Variants in SH3BP1 observed in about 807,000 individuals in gnomAD.
SH3BP1 encodes the protein SH3 domain-binding protein 1.
SH3BP1 carries 46 observed loss-of-function variants against 69.8 expected under a neutral mutation model. The ratio of observed to expected loss-of-function variants is 0.66; its 90% CI spans 0.52 to 0.84. The LOEUF is 0.84. Among genes scored for constraint, SH3BP1 ranks in the 40% least tolerant of loss-of-function variants. The probability of loss-of-function intolerance (pLI) is 0.00; values close to 1 mark genes in which losing one functional copy is unlikely to be tolerated. For missense variants in SH3BP1, 868 were observed against 930.9 expected (o/e 0.93, Z 0.88); for synonymous variants, 403 against 378.0 (o/e 1.07, Z -0.77).
chr22:37,648,169 G>T, intron 13 of SH3BP1, 150 bp from the exon 14 acceptor site: 1 of 636,146 alleles, frequency 1.6e-6, no homozygotes, highest in Non-Finnish European at 2.8e-6. Context: ...CCCACTGCAG[G>T]GTTGGCACTC....
Position 37,655,291 on chromosome 22 carries a change from C to G in SH3BP1, c.1713C>G (p.Ala571=), listed in dbSNP as rs760164543. ...MARRTKRPAP[A]RPTMPPPQVS... is the part of the protein sequence containing the mutation. Reference sequence around the variant, plus strand: ...CAACAGCCAAGCGCCCGGCGCCAGCCCGGCCCACCATGCCGCCCCCCCAGG... The same window carrying G: ...CAACAGCCAAGCGCCCGGCGCCAGCGCGGCCCACCATGCCGCCCCCCCAGG... The change falls in exon 18 of 18, where the codon GCC becomes GCG. Residue 571 remains alanine (A), a synonymous_variant. Transcript: ENST00000649765. 6.3e-7 allele frequency: 1 copy of G among 1,578,008 alleles called. No homozygotes were observed. Among genetic ancestry groups the G allele is most frequent in the South Asian group, 1.1e-5 (1 of 88,850 alleles).
At position 37,644,882 on chromosome 22, in the gene SH3BP1, C is replaced by G. The variant is rs960519170; in HGVS notation, c.700C>G (p.Gln234Glu). The G allele has an allele frequency of 1.9e-5, 31 of 1,614,062 alleles. No homozygotes were observed. The highest frequency in any genetic ancestry group is 2.5e-5 in the Non-Finnish European group (30 of 1,180,020). ...ANYFIRLLEI[Q>E]ADYHRRSLSS... ...TTCATCCCCACAGCTCCTGGAGATTCAGGCCGATTACCATCGCAGGTCACT... is the reference window on the plus strand; with the variant it reads ...TTCATCCCCACAGCTCCTGGAGATTGAGGCCGATTACCATCGCAGGTCACT... The change falls in exon 9 of 18, where the codon CAG becomes GAG. Residue 234 changes from glutamine to glutamate, a missense_variant. By Grantham distance (29) the Gln-to-Glu change is conservative. This residue lies in a region of SH3BP1 where 387 missense variants were observed against 447.9 expected (regional missense o/e 0.86). Coordinates refer to ENST00000649765, the MANE Select transcript of SH3BP1 (RefSeq NM_018957.6).
At chr22:37,641,046 G>C (rs1191031561) in intron 1 of SH3BP1, 80 bp from the exon 2 acceptor site, 1 of 972,298 alleles carries the variant, frequency 1.0e-6, no homozygotes, top group Non-Finnish European at 1.6e-6. Context: ...CCCTGCTGCG[G>C]GGAAGGGAAG....
At chr22:37,649,604 T>C (rs943093263) in intron 14 of SH3BP1, among the ~76,000 whole-genome samples, 1 of 152,028 alleles carries the variant, frequency 6.6e-6, no homozygotes, top group Non-Finnish European at 1.5e-5. Flanking sequence ...GCCAACATGG[T>C]GAAACTCCGT....
At chr22:37,641,694 G>T in intron 3 of SH3BP1, 1 of 538,554 alleles carries the variant, frequency 1.9e-6, no homozygotes, top group Non-Finnish European at 3.3e-6. Context: ...GTTCCCATAA[G>T]CCAAGGCCAG....
At chr22:37,643,470 AG>A in intron 6 of SH3BP1, 173 bp from the exon 7 acceptor site, 2 of 873,704 alleles carry the variant, frequency 2.3e-6, no homozygotes, top group Non-Finnish European at 3.5e-6. Context: ...ATCTGCCACC[AG>A]GGGGCAACCC....
At position 37,646,912 on chromosome 22, in the gene SH3BP1, A is replaced by G; in HGVS notation, c.1019A>G (p.Asp340Gly). The change falls in exon 11 of 18, where the codon GAC (aspartate) becomes GGC (glycine). Residue 340 changes from aspartate (D) to glycine (G), a missense_variant. By Grantham distance (94) the Asp-to-Gly change is moderately conservative. Around this residue, in one of 3 missense-constraint regions of SH3BP1, gnomAD observed 387 missense variants for 447.9 expected, o/e 0.86. Coordinates refer to ENST00000649765, the MANE Select transcript of SH3BP1 (RefSeq NM_018957.6). Reference protein sequence around the residue: ...DPHSLEEFCSDPHAVAGALKS... With the variant: ...DPHSLEEFCSGPHAVAGALKS... ...CACAGCCTGGAGGAGTTCTGCTCCG[A>G]CCCGCACGCTGTGGCAGGTGCCTGA... is the stretch of plus-strand genomic sequence containing the variant. 6.4e-7 allele frequency: 1 copy of G among 1,552,370 alleles called. No homozygotes were observed. The highest frequency in any genetic ancestry group is 8.7e-7 in the Non-Finnish European group (1 of 1,151,930).
chr22:37,650,182 G>T lies in SH3BP1; in HGVS notation c.1347G>T (p.Val449=), dbSNP rs775007471. 11 of 1,614,110 alleles carry T rather than the reference G, an allele frequency of 6.8e-6. No homozygotes were observed. The Admixed American group carries it at 1.8e-4, about 27-fold the overall frequency. The change falls in exon 15 of 18, where the codon GTG becomes GTT. Residue 449 remains valine (V), a synonymous_variant. Transcript: ENST00000649765. ...AGGCCCAGCTGGATGCAGCCTCCGT[G>T]TCTTCCATCCAGGTGGTGGGCGTCG... ...GDQAQLDAAS[V]SSIQVVGVVE...
Position 37,655,869 on chromosome 22 carries a change from T to C in SH3BP1, c.*185T>C, listed in dbSNP as rs1601592930. On this transcript the variant is annotated 3_prime_UTR_variant, in exon 18 of 18. Transcript: ENST00000649765. ...GGACAATCCTCTATTTCCTGACCTTTTCCTCGTCCACCCTGGGCTTGGGGA... is the reference window on the plus strand; with the variant it reads ...GGACAATCCTCTATTTCCTGACCTTCTCCTCGTCCACCCTGGGCTTGGGGA... 7.3e-6 allele frequency: 11 copies of C among 1,516,784 alleles called. No homozygotes were observed. The East Asian group carries it at 2.5e-4, about 35-fold the overall frequency. The allele number at this position is 1,516,784 out of a possible 1,614,324, so 94.0% of individuals were successfully genotyped here. A position where few individuals can be genotyped will look rare whatever the true frequency, so the allele number is the denominator to read the frequency against.
At chr22:37,645,314 A>C (rs781627612) in intron 9 of SH3BP1, 51 bp from the exon 10 acceptor site, 13 of 1,564,960 alleles carry the variant, frequency 8.3e-6, no homozygotes, top group Non-Finnish European at 1.1e-5. Context: ...CCCCTGCCTG[A>C]CTGCTCGGGG....
chr22:37,655,635 C>T lies in SH3BP1; in HGVS notation c.2057C>T (p.Ala686Val), dbSNP rs375920273. 5 of 1,524,028 alleles carry T rather than the reference C, an allele frequency of 3.3e-6. No individual in the cohort carries two copies. The highest frequency in any genetic ancestry group is 2.0e-5 in the Admixed American group (1 of 49,020). The allele number at this position is 1,524,028 out of a possible 1,614,324, so 94.4% of individuals were successfully genotyped here. A position where few individuals can be genotyped will look rare whatever the true frequency, so the allele number is the denominator to read the frequency against. Reference protein sequence around the residue: ...EAISGVPTPPAIPPQPRPRSL... With the variant: ...EAISGVPTPPVIPPQPRPRSL... ...ATCAGTGGGGTCCCCACTCCCCCAG[C>T]TATCCCCCCTCAGCCCCGCCCCAGG... The change falls in exon 18 of 18, where the codon GCT becomes GTT. Residue 686 changes from alanine (A) to valine (V), a missense_variant. Physicochemically the swap from Ala to Val is moderately conservative, Grantham distance 64 (BLOSUM62 0). This residue lies in a region of SH3BP1 where 474 missense variants were observed against 462.3 expected (regional missense o/e 1.03). Transcript: ENST00000649765.
At chr22:37,643,237 C>A in intron 6 of SH3BP1, 63 bp downstream of exon 6, 1 of 1,405,598 alleles carries the variant, frequency 7.1e-7, no homozygotes, top group Non-Finnish European at 9.9e-7. Context: ...GGTCATAGAG[C>A]TTTGAGGCCC....
intron 2 of SH3BP1, 46 bp from the exon 3 acceptor site, chr22:37,641,328 G>A (rs906126087): frequency 6.9e-5 from 106 of 1,542,278 alleles, no homozygotes; most frequent in Non-Finnish European, 7.6e-5. Flanking sequence ...CCTGCTCAGG[G>A]GGAGACAGCC....
chr22:37,641,542 G>A, intron 3 of SH3BP1, 64 bp downstream of exon 3: 1 of 1,363,190 alleles, frequency 7.3e-7, no homozygotes, highest in Non-Finnish European at 1.0e-6. Flanking sequence ...GGGGAAGCAA[G>A]GTCGGGGCTG....
At position 37,641,470 on chromosome 22, in the gene SH3BP1, A is replaced by G. The variant is rs752753472; in HGVS notation, c.199A>G (p.Lys67Glu). 3.9e-6 allele frequency: 6 copies of G among 1,550,350 alleles called. No homozygotes were observed. In the South Asian group the frequency reaches 7.1e-5, roughly 18 times the overall value. The change falls in exon 3 of 18, where the codon AAG (lysine) becomes GAG (glutamate). Residue 67 changes from lysine (K) to glutamate (E), a missense_variant. Lys to Glu is a moderately conservative substitution (Grantham distance 56). Around this residue, in one of 3 missense-constraint regions of SH3BP1, gnomAD observed 387 missense variants for 447.9 expected, o/e 0.86. Transcript: ENST00000649765. ...LQGQSGADMD[K>E]RVKKLPLMAL... Reference sequence around the variant, plus strand: ...GGGCCAGAGCGGGGCAGACATGGACAAGCGGGTGGTGAGTGGGGGGTCCCG... The same window carrying G: ...GGGCCAGAGCGGGGCAGACATGGACGAGCGGGTGGTGAGTGGGGGGTCCCG...
chr22:37,641,098 TCCCCC>T, intron 1 of SH3BP1, 23 bp from the exon 2 acceptor site: 137 of 946,624 alleles, frequency 1.4e-4, no homozygotes, highest in Non-Finnish European at 2.0e-4. Context: ...AGAAGCACTC[TCCCCC>T]CCCCCCCCAC....
At chr22:37,654,513 G>C (rs1932961834) in intron 17 of SH3BP1, among the ~76,000 whole-genome samples, 1 of 151,958 alleles carries the variant, frequency 6.6e-6, no homozygotes, top group South Asian at 2.1e-4. Flanking sequence ...AGAAGCTGCA[G>C]TGAGCAAAGA....
chr22:37,655,638 T>TTCCC lies in SH3BP1; in HGVS notation c.2060_2061insTCCC (p.Gln690ProfsTer97). ...AGTGGGGTCCCCACTCCCCCAGCTA[T>TTCCC]CCCCCCTCAGCCCCGCCCCAGGAGC... On this transcript the variant is annotated frameshift_variant, in exon 18 of 18. Coordinates refer to ENST00000649765, the MANE Select transcript of SH3BP1 (RefSeq NM_018957.6). LOFTEE classifies it high-confidence loss of function. 1 of 1,402,094 alleles carries TTCCC rather than the reference T, an allele frequency of 7.1e-7. No homozygotes were observed. The highest frequency in any genetic ancestry group is 1.4e-5 in the South Asian group (1 of 72,776). 86.9% of individuals were successfully genotyped at this position (1,402,094 alleles called of 1,614,324 possible).
At chr22:37,645,332 G>T (rs774228527) in intron 9 of SH3BP1, 33 bp from the exon 10 acceptor site, 3 of 1,585,232 alleles carry the variant, frequency 1.9e-6, no homozygotes, top group Non-Finnish European at 1.7e-6. Context: ...GGGTGGGAAG[G>T]CCCTGGGCCG....
Sources: allele counts gnomAD v4.1 joint callset (sites outside exome capture counted in the v4.1 genomes callset), GRCh38; gene constraint gnomAD v4.1.1; regional missense constraint gnomAD v4.1.1; transcripts MANE v1.5; gene names NCBI Gene and HGNC (gene_info 2026-07-23, HGNC 2026-07-21).